Variants in DPY19L2 observed in about 807,000 individuals in gnomAD.
DPY19L2 encodes dpy-19 like 2.
In DPY19L2, 34 loss-of-function variants were observed where a neutral mutation model predicts 97.9. That is an observed-to-expected ratio of 0.35 (90% CI 0.26 to 0.46). The LOEUF (loss-of-function observed/expected upper bound fraction) is 0.46. DPY19L2 is among the 20% of genes least tolerant of loss of function. The pLI, the probability that DPY19L2 is intolerant of heterozygous loss-of-function variation, is 1.00. For synonymous variants in DPY19L2, 230 were observed against 307.9 expected, an observed-to-expected ratio of 0.75 and a Z score of 2.65; for missense variants, 623 against 911.4, an observed-to-expected ratio of 0.68 and a Z score of 4.07.
At chr12:63,651,253 T>A (rs2203228) in intron 4 of DPY19L2, among the ~76,000 whole-genome samples, 21 of 151,872 alleles carry the variant, frequency 1.4e-4, no homozygotes, top group Admixed American at 1.2e-3. Flanking sequence ...AAAAATCAAC[T>A]CAAGATGAAT....
rs1218939805 is a variant in DPY19L2 at position 63,618,234 on chromosome 12, A to C, written c.1054-6T>G. The C allele has an allele frequency of 4.9e-6, 6 of 1,215,580 alleles. No individual in the cohort carries two copies. The South Asian group carries it at 9.5e-5, about 19-fold the overall frequency. The allele number at this position is 1,215,580 out of a possible 1,614,324, so 75.3% of individuals were successfully genotyped here. A position where few individuals can be genotyped will look rare whatever the true frequency, so the allele number is the denominator to read the frequency against. On this transcript the variant is annotated splice_polypyrimidine_tract_variant and splice_region_variant and intron_variant, in intron 9 of 21. Transcript: ENST00000324472. ...ATGGGAAATAATGATGCTATCTGAA[A>C]TAATATAAAAAAGCAAAAGTGAAAA...
Position 63,597,724 on chromosome 12 carries a change from G to T in DPY19L2, c.1461+85C>A, listed in dbSNP as rs1048250881. 28 of 1,260,306 alleles carry T rather than the reference G, an allele frequency of 2.2e-5. 1 individual carries two copies. In the African/African-American group the frequency reaches 4.1e-4, roughly 19 times the overall value. The allele number at this position is 1,260,306 out of a possible 1,614,324, so 78.1% of individuals were successfully genotyped here. A position where few individuals can be genotyped will look rare whatever the true frequency, so the allele number is the denominator to read the frequency against. On this transcript the variant is annotated intron_variant, in intron 14 of 21. Coordinates refer to ENST00000324472, the MANE Select transcript of DPY19L2 (RefSeq NM_173812.5). ...AATATAAAATAAGTTGACTGTTTCT[G>T]AGCAAAAATTTTGAGTTTCAGATTT...
intron 13 of DPY19L2, 128 bp from the exon 14 acceptor site, chr12:63,598,038 C>G: frequency 3.0e-6 from 2 of 671,328 alleles, no homozygotes; most frequent in Non-Finnish European, 4.4e-6. Flanking sequence ...TTAGACATCC[C>G]TCTAAGAAAA....
chr12:63,579,999 T>TAAC (rs1395119537), intron 19 of DPY19L2, among the ~76,000 whole-genome samples: 1 of 152,106 alleles, frequency 6.6e-6, no homozygotes, highest in Non-Finnish European at 1.5e-5. Context: ...ACAGAAAATG[T>TAAC]TATAGACTTA....
At chr12:63,591,603 T>C (rs975373979) in intron 16 of DPY19L2, among the ~76,000 whole-genome samples, 19 of 152,126 alleles carry the variant, frequency 1.2e-4, no homozygotes, top group Admixed American at 8.5e-4. Flanking sequence ...TGGCATCTGC[T>C]TATGCTAGTG....
At chr12:63,659,338 G>C (rs910799308) in intron 4 of DPY19L2, among the ~76,000 whole-genome samples, 3 of 152,026 alleles carry the variant, frequency 2.0e-5, no homozygotes, top group African/African-American at 7.2e-5. Context: ...ACAAAACATT[G>C]CTGAGACAAA....
intron 6 of DPY19L2, among the ~76,000 whole-genome samples, chr12:63,643,137 A>C (rs2138111453): frequency 6.6e-6 from 1 of 152,108 alleles, no homozygotes; most frequent in South Asian, 2.1e-4. Context: ...TTTTCTTATT[A>C]TTGCAAATAC....
At chr12:63,645,604 A>G (rs1414094234) in intron 5 of DPY19L2, among the ~76,000 whole-genome samples, 1 of 152,130 alleles carries the variant, frequency 6.6e-6, no homozygotes, top group Non-Finnish European at 1.5e-5. Context: ...TGCTGTTCAA[A>G]TGTTTCCTAT....
intron 17 of DPY19L2, 72 bp from the exon 18 acceptor site, chr12:63,582,597 C>G: frequency 7.0e-7 from 1 of 1,424,334 alleles, no homozygotes; most frequent in South Asian, 1.4e-5. Flanking sequence ...TATATTAAAA[C>G]TATATTATTC....
At chr12:63,656,906 C>G (rs542254975) in intron 4 of DPY19L2, among the ~76,000 whole-genome samples, 8 of 87,848 alleles carry the variant, frequency 9.1e-5, no homozygotes, top group African/African-American at 3.9e-4. Context: ...CTAAAATTAT[C>G]TATCTGATCT....
At chr12:63,590,883 G>C (rs1882783167) in intron 16 of DPY19L2, 1 of 304,942 alleles carries the variant, frequency 3.3e-6, no homozygotes, top group East Asian at 7.6e-5. Context: ...TTTCAAATAT[G>C]TAATCAATAC....
intron 3 of DPY19L2, among the ~76,000 whole-genome samples, chr12:63,661,689 C>A (rs922084466): frequency 6.6e-6 from 1 of 151,880 alleles, no homozygotes; most frequent in Non-Finnish European, 1.5e-5. Context: ...TTTCTATAGG[C>A]TTTCAAACTA....
chr12:63,648,086 C>T (rs1893676943), intron 4 of DPY19L2, among the ~76,000 whole-genome samples: 1 of 152,110 alleles, frequency 6.6e-6, no homozygotes, highest in Non-Finnish European at 1.5e-5. Flanking sequence ...TCTTACTCTC[C>T]TACTGTCTGC....
intron 11 of DPY19L2, among the ~76,000 whole-genome samples, chr12:63,610,861 A>AAAC (rs1886853117): frequency 1.0e-5 from 1 of 99,142 alleles, no homozygotes; most frequent in African/African-American, 3.2e-5. Context: ...AAAAAAAAAA[A>AAAC]AAAAAAAAAA....
chr12:63,616,286 A>G (rs561838051), intron 11 of DPY19L2, among the ~76,000 whole-genome samples: 96 of 152,314 alleles, frequency 6.3e-4, no homozygotes, highest in East Asian at 6.0e-3. Context: ...GTTTTCATTA[A>G]AAGAGGTAGA....
Position 63,635,753 on chromosome 12 carries a change from A to G in DPY19L2, c.803+8650T>C, listed in dbSNP as rs188990988. On this transcript the variant is annotated intron_variant, in intron 6 of 21. Coordinates refer to ENST00000324472, the MANE Select transcript of DPY19L2 (RefSeq NM_173812.5). ...GTTTAGAGTAAAAAGAAATAAACAA[A>G]GCCTCCAAGAAATATGGCACTATAT... Among the ~76,000 whole-genome samples, 2 of 152,318 alleles carry G rather than the reference A, an allele frequency of 1.3e-5. 1 individual carries two copies. Among genetic ancestry groups the G allele is most frequent in the Admixed American group, 1.3e-4 (2 of 15,304 alleles).
At chr12:63,634,178 C>G (rs982847479) in intron 6 of DPY19L2, among the ~76,000 whole-genome samples, 6 of 152,004 alleles carry the variant, frequency 3.9e-5, no homozygotes, top group Non-Finnish European at 8.8e-5. Context: ...CTAACCTGCA[C>G]GTTGTGCACA....
intron 4 of DPY19L2, among the ~76,000 whole-genome samples, chr12:63,648,620 G>T (rs935701742): frequency 1.3e-5 from 2 of 151,892 alleles, no homozygotes; most frequent in Non-Finnish European, 2.9e-5. Context: ...TAGAGACAGC[G>T]TTTCACCATG....
intron 4 of DPY19L2, among the ~76,000 whole-genome samples, chr12:63,650,984 T>C (rs1035706651): frequency 2.4e-4 from 37 of 152,146 alleles, no homozygotes; most frequent in African/African-American, 8.2e-4. Context: ...AGAGACATCA[T>C]AGTACCCAAC....
Sources: allele counts gnomAD v4.1 joint callset (sites outside exome capture counted in the v4.1 genomes callset), GRCh38; gene constraint gnomAD v4.1.1; transcripts MANE v1.5; gene names NCBI Gene and HGNC (gene_info 2026-07-23, HGNC 2026-07-21).